Variants in SQLE observed in about 807,000 individuals in gnomAD.
The protein encoded by SQLE is squalene monooxygenase.
Under a neutral mutation model 60.7 loss-of-function variants are expected in SQLE, and 29 were observed. That is an observed-to-expected ratio of 0.48 (90% CI 0.36 to 0.65). SQLE has a LOEUF of 0.65. Ranked by LOEUF, SQLE falls within the 30% of genes least tolerant of loss-of-function variation. The pLI, the probability that SQLE is intolerant of heterozygous loss-of-function variation, is 0.00. For synonymous variants in SQLE, 237 were observed against 246.8 expected (o/e 0.96, Z 0.37); for missense variants, 605 against 684.1 (o/e 0.88, Z 1.29).
At chr8:125,002,817 T>C (rs1052217200) in intron 1 of SQLE, among the ~76,000 whole-genome samples, 3 of 152,240 alleles carry the variant, frequency 2.0e-5, no homozygotes, top group African/African-American at 7.2e-5. Flanking sequence ...AATTTAGTTA[T>C]TAATGATACA....
At chr8:125,001,221 A>G (rs567811809) in intron 1 of SQLE, among the ~76,000 whole-genome samples, 1 of 152,240 alleles carries the variant, frequency 6.6e-6, no homozygotes, top group Admixed American at 6.5e-5. Context: ...AGGTGGCTGG[A>G]ATGCTGTTCC....
intron 3 of SQLE, among the ~76,000 whole-genome samples, chr8:125,006,021 T>G (rs185748507): frequency 6.6e-6 from 1 of 152,320 alleles, no homozygotes; most frequent in African/African-American, 2.4e-5. Context: ...TGTGCACATT[T>G]TGGAGTTTGA....
Position 125,007,445 on chromosome 8 carries a change from G to C in SQLE, c.780G>C (p.Val260=). 1 of 1,556,976 alleles carries C rather than the reference G, an allele frequency of 6.4e-7. No individual in the cohort carries two copies. The highest frequency in any genetic ancestry group is 8.7e-7 in the Non-Finnish European group (1 of 1,149,446). ...VLQLLEEDDV[V]MGVQYKDKET... The stretch of plus-strand genomic sequence containing the variant: ...AGTTATTAGAGGAAGATGATGTTGT[G>C]ATGGGAGTTCAGTACAAGGATAAAG... Residue 260 remains valine, a synonymous_variant, in exon 4 of 11, where the codon GTG becomes GTC. Coordinates refer to ENST00000265896, the MANE Select transcript of SQLE (RefSeq NM_003129.4).
chr8:125,011,947 AGT>A (rs1319477284), intron 7 of SQLE, among the ~76,000 whole-genome samples: 1 of 151,480 alleles, frequency 6.6e-6, no homozygotes, highest in Non-Finnish European at 1.5e-5. Flanking sequence ...AGTGTCAAGA[AGT>A]GTGCAGAGCA....
At position 125,005,559 on chromosome 8, in the gene SQLE, TG is replaced by T; in HGVS notation, c.581del (p.Gly194ValfsTer3). On this transcript the variant is annotated frameshift_variant, in exon 3 of 11. Coordinates refer to ENST00000265896, the MANE Select transcript of SQLE (RefSeq NM_003129.4). LOFTEE classifies it high-confidence loss of function. ...AAGGTCTTGATGCCCAGGTTGTAAATGGTTACATGATTCATGATCAGGAAAG... is the reference window on the plus strand; with the variant it reads ...AAGGTCTTGATGCCCAGGTTGTAAATGTTACATGATTCATGATCAGGAAAG... ...VEGLDAQVVN[G>X]YMIHDQESKS... is the part of the protein sequence containing the mutation. The T allele has an allele frequency of 1.9e-6, 3 of 1,608,974 alleles. No homozygotes were observed. The highest frequency in any genetic ancestry group is 2.5e-6 in the Non-Finnish European group (3 of 1,176,850).
At chr8:125,008,772 C>G (rs1814996771) in intron 4 of SQLE, among the ~76,000 whole-genome samples, 199 bp from the exon 5 acceptor site, 1 of 152,164 alleles carries the variant, frequency 6.6e-6, no homozygotes, top group Non-Finnish European at 1.5e-5. Flanking sequence ...TCCTCAGGGA[C>G]TCAGAGGAAG....
intron 1 of SQLE, 35 bp from the exon 2 acceptor site, chr8:125,003,141 T>C: frequency 6.5e-7 from 1 of 1,548,744 alleles, no homozygotes; most frequent in Non-Finnish European, 8.7e-7. Flanking sequence ...TCTAACAAAT[T>C]TGGATACCTA....
chr8:125,006,714 C>T (rs73342073), intron 3 of SQLE, among the ~76,000 whole-genome samples: 148,845 of 149,056 alleles, frequency 1, 74,317 homozygotes, highest in Middle Eastern at 1. Flanking sequence ...ATTACTCTTT[C>T]TTTTTTTTGA....
chr8:125,001,687 AAGAAT>A (rs1183780264), intron 1 of SQLE, among the ~76,000 whole-genome samples: 1 of 152,026 alleles, frequency 6.6e-6, no homozygotes, highest in Admixed American at 6.5e-5. Context: ...AAAAAAAAAA[AAGAAT>A]AGACAAATTC....
chr8:125,004,539 G>A (rs1814916182), intron 2 of SQLE, among the ~76,000 whole-genome samples: 1 of 145,234 alleles, frequency 6.9e-6, no homozygotes, highest in Non-Finnish European at 1.5e-5. Context: ...GATTTTGATG[G>A]TGTCCTGTTG....
intron 9 of SQLE, among the ~76,000 whole-genome samples, chr8:125,020,099 A>G (rs1815179256): frequency 6.6e-6 from 1 of 152,240 alleles, no homozygotes; most frequent in Non-Finnish European, 1.5e-5. Context: ...TGAGTTCTTA[A>G]CATTATGAAT....
chr8:125,009,908 ACT>A (rs1464033623), intron 6 of SQLE, among the ~76,000 whole-genome samples: 1 of 152,080 alleles, frequency 6.6e-6, no homozygotes, highest in Non-Finnish European at 1.5e-5. Context: ...CACGAATCTG[ACT>A]CTGAATTCTT....
At chr8:125,000,013 T>C in intron 1 of SQLE, 1 of 512,750 alleles carries the variant, frequency 2.0e-6, no homozygotes, top group Non-Finnish European at 3.8e-6. Context: ...AAAAAGTTTT[T>C]AAAAAGTTCT....
In SQLE at chr8:125,020,764, AT is replaced by A; in HGVS notation, c.1445-16del. Reference sequence around the variant, plus strand: ...CATAAGTGTGTACACATATTTGATTATTTTACAATTTTATTTTAGATTCCCT... The same window carrying A: ...CATAAGTGTGTACACATATTTGATTATTTACAATTTTATTTTAGATTCCCT... On this transcript the variant is annotated intron_variant, in intron 9 of 10. Coordinates refer to ENST00000265896, the MANE Select transcript of SQLE (RefSeq NM_003129.4). 1 of 1,523,284 alleles carries A rather than the reference AT, an allele frequency of 6.6e-7. No individual in the cohort carries two copies. The highest frequency in any genetic ancestry group is 9.1e-7 in the Non-Finnish European group (1 of 1,100,448). The allele number at this position is 1,523,284 out of a possible 1,614,324, so 94.4% of individuals were successfully genotyped here.
chr8:124,999,596 C>G lies in SQLE; in HGVS notation c.193C>G (p.Leu65Val), dbSNP rs780291853. ...CCAGCAGAGCGGCTCCCAGTTCGCC[C>G]TCTTCTCGGATATTCTCTCAGGCCT... is the stretch of plus-strand genomic sequence containing the variant. ...GRQQSGSQFA[L>V]FSDILSGLPF... Residue 65 changes from leucine to valine, a missense_variant, in exon 1 of 11, where the codon CTC (leucine) becomes GTC (valine). Physicochemically the swap from Leu to Val is conservative, Grantham distance 32. Coordinates refer to ENST00000265896, the MANE Select transcript of SQLE (RefSeq NM_003129.4). 4 of 1,613,460 alleles carry G rather than the reference C, an allele frequency of 2.5e-6. No homozygotes were observed. The African/African-American group carries it at 4.0e-5, about 16-fold the overall frequency.
At chr8:125,005,005 AATC>A (rs1200143479) in intron 2 of SQLE, among the ~76,000 whole-genome samples, 3 of 152,330 alleles carry the variant, frequency 2.0e-5, no homozygotes, top group Admixed American at 2.0e-4. Flanking sequence ...GATAGTATGT[AATC>A]ATCAACAGTT....
intron 4 of SQLE, among the ~76,000 whole-genome samples, chr8:125,007,942 TCAG>T (rs990400822): frequency 1.3e-5 from 2 of 152,060 alleles, no homozygotes; most frequent in African/African-American, 2.4e-5. Flanking sequence ...GTAATATACA[TCAG>T]CAGAGAAGCA....
chr8:125,006,849 C>CGTG (rs1563596982), intron 3 of SQLE, among the ~76,000 whole-genome samples: 2 of 151,608 alleles, frequency 1.3e-5, no homozygotes, highest in Admixed American at 1.3e-4. Context: ...GGATTACAGG[C>CGTG]ACATGCCACC....
At position 125,013,422 on chromosome 8, in the gene SQLE, G is replaced by A. The variant is rs574705607; in HGVS notation, c.1204+1790G>A. On this transcript the variant is annotated intron_variant, in intron 7 of 10. Coordinates refer to ENST00000265896, the MANE Select transcript of SQLE (RefSeq NM_003129.4). ...GGCTGGAGTGCGATGGTGCGATCTC[G>A]GCTCATTGCAACCTCGGCCTCCCAG... Among the ~76,000 whole-genome samples, 38 of 145,766 alleles carry A rather than the reference G, an allele frequency of 2.6e-4. 1 individual carries two copies. The highest frequency in any genetic ancestry group is 3.7e-3 in the Middle Eastern group (1 of 272).
Sources: gnomAD v4.1 joint callset for allele counts (sites outside exome capture counted in the v4.1 genomes callset) on GRCh38, gnomAD v4.1.1 for gene constraint, MANE v1.5 for transcripts, NCBI Gene and HGNC (gene_info 2026-07-23, HGNC 2026-07-21) for gene names.